Variants in TLL1 observed in about 807,000 individuals in gnomAD.
The protein encoded by TLL1 is tolloid like 1, also known as tolloid-like protein 1.
In TLL1, 49 loss-of-function variants were observed where a neutral mutation model predicts 128.2. The ratio of observed to expected loss-of-function variants is 0.38; its 90% confidence interval spans 0.30 to 0.48. The LOEUF (loss-of-function observed/expected upper bound fraction) is 0.48, where lower values mean the gene tolerates loss of function less well. Among genes scored for constraint, TLL1 ranks in the 20% least tolerant of loss-of-function variants. The probability of loss-of-function intolerance (pLI) is 0.96; values close to 1 mark genes in which losing one functional copy is unlikely to be tolerated. For missense variants in TLL1, 1,123 were observed against 1,242.0 expected (o/e 0.90, Z 1.44); for synonymous variants, 454 against 418.8 (o/e 1.08, Z -1.03).
chr4:166,059,941 G>C, intron 14 of TLL1, 87 bp from the exon 15 acceptor site: 1 of 1,485,522 alleles, frequency 6.7e-7, no homozygotes, highest in Non-Finnish European at 9.3e-7. Context: ...TTAGTGCTGA[G>C]ATGTTTGGGT....
At chr4:165,966,579 G>A (rs1024369246) in intron 1 of TLL1, among the ~76,000 whole-genome samples, 1 of 152,100 alleles carries the variant, frequency 6.6e-6, no homozygotes, top group Non-Finnish European at 1.5e-5. Flanking sequence ...AGTGTCGGCT[G>A]GTCTGAGAAA....
At chr4:165,879,632 C>T (rs1730891329) in intron 1 of TLL1, among the ~76,000 whole-genome samples, 1 of 152,026 alleles carries the variant, frequency 6.6e-6, no homozygotes, top group African/African-American at 2.4e-5. Flanking sequence ...AAAACTAGGA[C>T]CCTCCTTAAG....
rs77740115 is a variant in TLL1 at position 165,876,554 on chromosome 4, A to G, written c.169+2481A>G. On this transcript the variant is annotated intron_variant, in intron 1 of 20. Transcript: ENST00000061240. ...TCCTCAAAGTACACAGAGGCTTGAT[A>G]TCACAATGACAATCATGGCTTCGTG... 4.4e-3 allele frequency among the ~76,000 whole-genome samples: 663 copies of G among 152,358 alleles called. 12 individuals are homozygous for G. The East Asian group carries it at 0.07, about 16-fold the overall frequency.
At chr4:166,010,061 G>A (rs1320041579) in intron 7 of TLL1, among the ~76,000 whole-genome samples, 5 of 151,210 alleles carry the variant, frequency 3.3e-5, no homozygotes, top group Admixed American at 2.6e-4. Flanking sequence ...TATATAACTG[G>A]AGACATATAG....
At position 165,992,904 on chromosome 4, in the gene TLL1, T is replaced by G. The variant is rs781344924; in HGVS notation, c.361+20T>G. ...GCTTTGGTATATCAATGTTTAAAGTTGCAGACGCTTGACTTGATGTACAGT... is the reference window on the plus strand; with the variant it reads ...GCTTTGGTATATCAATGTTTAAAGTGGCAGACGCTTGACTTGATGTACAGT... On this transcript the variant is annotated intron_variant, in intron 3 of 20. Coordinates refer to ENST00000061240, the MANE Select transcript of TLL1 (RefSeq NM_012464.5). 2 of 1,586,994 alleles carry G rather than the reference T, an allele frequency of 1.3e-6. No individual in the cohort carries two copies. The highest frequency in any genetic ancestry group is 1.7e-6 in the Non-Finnish European group (2 of 1,155,702).
chr4:165,989,343 A>G, intron 1 of TLL1, 38 bp from the exon 2 acceptor site: 1 of 1,461,398 alleles, frequency 6.8e-7, no homozygotes, highest in East Asian at 2.3e-5. Flanking sequence ...GATTTCACGG[A>G]AATATTTTAC....
At chr4:165,898,082 A>T (rs2110845774) in intron 1 of TLL1, among the ~76,000 whole-genome samples, 1 of 152,268 alleles carries the variant, frequency 6.6e-6, no homozygotes, top group East Asian at 1.9e-4. Context: ...TTGATTTTGT[A>T]TCCTGAGACT....
intron 1 of TLL1, among the ~76,000 whole-genome samples, chr4:165,952,877 C>A (rs1579533420): frequency 1.3e-5 from 2 of 151,976 alleles, no homozygotes; most frequent in African/African-American, 4.8e-5. Context: ...CACTAAAGAG[C>A]AAGAATGGGT....
chr4:165,940,617 CA>C (rs1332238255), intron 1 of TLL1, among the ~76,000 whole-genome samples: 7 of 151,720 alleles, frequency 4.6e-5, no homozygotes, highest in African/African-American at 1.2e-4. Context: ...CTTAATTGTT[CA>C]AAAAAATGTT....
intron 1 of TLL1, among the ~76,000 whole-genome samples, chr4:165,915,624 A>G (rs1441633671): frequency 6.6e-6 from 1 of 152,168 alleles, no homozygotes; most frequent in East Asian, 1.9e-4. Flanking sequence ...CTAAAGTTAC[A>G]TGTGAGGGAG....
chr4:165,892,245 T>A (rs1731457044), intron 1 of TLL1, among the ~76,000 whole-genome samples: 1 of 152,164 alleles, frequency 6.6e-6, no homozygotes, highest in Non-Finnish European at 1.5e-5. Context: ...ACAACAACAG[T>A]TCAAGATGAG....
At chr4:166,056,662 C>T (rs1446967078) in intron 13 of TLL1, among the ~76,000 whole-genome samples, 1 of 152,012 alleles carries the variant, frequency 6.6e-6, no homozygotes, top group Non-Finnish European at 1.5e-5. Flanking sequence ...ATTGCTGAAG[C>T]TATGCTTTTT....
In TLL1 at chr4:166,078,044, TC is replaced by T. The variant is rs771783423; in HGVS notation, c.2442+16del. On this transcript the variant is annotated intron_variant, in intron 18 of 20. Coordinates refer to ENST00000061240, the MANE Select transcript of TLL1 (RefSeq NM_012464.5). The stretch of plus-strand genomic sequence containing the variant: ...CGAATCAAATTAGTAAGTGAGCACA[TC>T]CTTTTTCTTTCCATTAAGCTGACTG... 10 of 1,613,108 alleles carry T rather than the reference TC, an allele frequency of 6.2e-6. No homozygotes were observed. In the South Asian group the frequency reaches 1.1e-4, roughly 18 times the overall value.
At chr4:166,064,098 G>T (rs946768481) in intron 15 of TLL1, among the ~76,000 whole-genome samples, 1 of 151,842 alleles carries the variant, frequency 6.6e-6, no homozygotes, top group East Asian at 1.9e-4. Flanking sequence ...TTATGTGTAA[G>T]TTTTATAATG....
intron 1 of TLL1, among the ~76,000 whole-genome samples, chr4:165,954,914 T>C (rs1268911785): frequency 1.3e-5 from 2 of 152,066 alleles, no homozygotes; most frequent in Non-Finnish European, 2.9e-5. Flanking sequence ...AGTGTCTCCT[T>C]ACCTCCAAGC....
At chr4:165,885,477 T>C (rs1353530268) in intron 1 of TLL1, among the ~76,000 whole-genome samples, 2 of 152,018 alleles carry the variant, frequency 1.3e-5, no homozygotes, top group Non-Finnish European at 2.9e-5. Context: ...GCAGCCACCA[T>C]AGGCCCTGAA....
At chr4:165,951,197 A>G (rs1734498326) in intron 1 of TLL1, among the ~76,000 whole-genome samples, 1 of 152,162 alleles carries the variant, frequency 6.6e-6, no homozygotes, top group African/African-American at 2.4e-5. Context: ...CCTTACCCAT[A>G]AAGAAATGAT....
chr4:165,898,007 C>G lies in TLL1; in HGVS notation c.169+23934C>G, dbSNP rs191541086. Among the ~76,000 whole-genome samples the G allele has an allele frequency of 4.2e-3, 644 of 152,208 alleles. 5 individuals carry two copies. The highest frequency in any genetic ancestry group is 0.014 in the African/African-American group (594 of 41,536). On this transcript the variant is annotated intron_variant, in intron 1 of 20. Transcript: ENST00000061240. ...TTTGTAGCAATTGTGAATGGGAGTT[C>G]ACTCATGATTTGGCTCTCTGTTTGT...
In TLL1 at chr4:166,091,286, G is replaced by T; in HGVS notation, c.2601G>T (p.Arg867=). 1.2e-6 allele frequency: 2 copies of T among 1,612,966 alleles called. No homozygotes were observed. Among genetic ancestry groups the T allele is most frequent in the Non-Finnish European group, 1.7e-6 (2 of 1,179,370 alleles). The stretch of plus-strand genomic sequence containing the variant: ...CTACTGGAAATAAAATGTTTGTTCG[G>T]TTTGTTTCTGATGCATCTGTTCAAA... ...LVATGNKMFV[R]FVSDASVQRK... is the part of the protein sequence containing the mutation. Residue 867 remains arginine, a synonymous_variant, in exon 19 of 21, where the codon CGG becomes CGT. Transcript: ENST00000061240.
Sources: gnomAD v4.1 joint callset for allele counts (sites outside exome capture counted in the v4.1 genomes callset) on GRCh38, gnomAD v4.1.1 for gene constraint, MANE v1.5 for transcripts, NCBI Gene and HGNC (gene_info 2026-07-23, HGNC 2026-07-21) for gene names.